RBMS3: variants seen among roughly 807,000 people sequenced by gnomAD.
RBMS3 encodes the protein RNA-binding motif, single-stranded-interacting protein 3.
RBMS3 carries 27 observed loss-of-function variants against 66.8 expected under a neutral mutation model. That is an observed-to-expected ratio of 0.40 (90% CI 0.30 to 0.56). The LOEUF (loss-of-function observed/expected upper bound fraction) is 0.56. RBMS3 is among the 20% of genes least tolerant of loss of function. The pLI, the probability that RBMS3 is intolerant of heterozygous loss-of-function variation, is 0.40. For synonymous variants in RBMS3, 188 were observed against 183.0 expected (o/e 1.03, Z -0.22); for missense variants, 513 against 549.5 (o/e 0.93, Z 0.66).
chr3:29,989,359 G>A (rs149095565), intron 13 of RBMS3, among the ~76,000 whole-genome samples: 33 of 152,268 alleles, frequency 2.2e-4, no homozygotes, highest in Non-Finnish European at 3.4e-4. Context: ...TCTGGTTCTA[G>A]CCATTACTGT....
intron 4 of RBMS3, among the ~76,000 whole-genome samples, chr3:29,589,842 G>A (rs1210823919): frequency 6.6e-6 from 1 of 151,948 alleles, no homozygotes; most frequent in Non-Finnish European, 1.5e-5. Context: ...AGTGACTCCA[G>A]CATTTTAAAA....
chr3:29,992,117 T>A (rs1054481741), intron 14 of RBMS3, among the ~76,000 whole-genome samples: 1 of 152,084 alleles, frequency 6.6e-6, no homozygotes, highest in African/African-American at 2.4e-5. Flanking sequence ...AGCAATAAAA[T>A]CCCTGATGAA....
chr3:29,813,296 T>A (rs527919985), intron 6 of RBMS3, among the ~76,000 whole-genome samples: 13 of 152,284 alleles, frequency 8.5e-5, no homozygotes, highest in African/African-American at 3.1e-4. Flanking sequence ...AACATTTTAT[T>A]CATATAAAAA....
At chr3:29,764,214 G>A (rs1032814879) in intron 6 of RBMS3, among the ~76,000 whole-genome samples, 9 of 151,988 alleles carry the variant, frequency 5.9e-5, no homozygotes, top group African/African-American at 1.4e-4. Context: ...TAATCAGTGA[G>A]TCAACATACA....
chr3:29,739,413 G>T (rs1306044018), intron 4 of RBMS3, among the ~76,000 whole-genome samples: 1 of 145,344 alleles, frequency 6.9e-6, no homozygotes, highest in Non-Finnish European at 1.5e-5. Context: ...TCGAGATCGC[G>T]CCACTGCACT....
intron 6 of RBMS3, among the ~76,000 whole-genome samples, chr3:29,854,728 T>C (rs989326240): frequency 2.0e-5 from 3 of 152,182 alleles, no homozygotes; most frequent in African/African-American, 7.2e-5. Context: ...TCTACAAGAG[T>C]GAAACAAATG....
intron 14 of RBMS3, among the ~76,000 whole-genome samples, chr3:29,997,591 C>T (rs1352543574): frequency 6.6e-6 from 1 of 151,074 alleles, no homozygotes. Context: ...GGCTTCATCC[C>T]TGGGAGGCAA....
intron 3 of RBMS3, among the ~76,000 whole-genome samples, chr3:29,492,918 A>G (rs975521479): frequency 6.6e-6 from 1 of 152,210 alleles, no homozygotes; most frequent in African/African-American, 2.4e-5. Context: ...TCCATTCTTC[A>G]TTGGTACCAT....
rs1011101657 is a variant in RBMS3 at position 29,944,269 on chromosome 3, A to G, written c.1098+15A>G. ...TGTTGTGTCAGGTAGGAAAATTCTAATTCTTTTAAGACTGGATTGGAGGGG... is the reference window on the plus strand; with the variant it reads ...TGTTGTGTCAGGTAGGAAAATTCTAGTTCTTTTAAGACTGGATTGGAGGGG... On this transcript the variant is annotated intron_variant, in intron 12 of 14. Transcript: ENST00000383767. The G allele has an allele frequency of 6.4e-7, 1 of 1,569,500 alleles. No homozygotes were observed. The highest frequency in any genetic ancestry group is 8.8e-7 in the Non-Finnish European group (1 of 1,140,472).
chr3:29,766,124 T>C (rs988950852), intron 6 of RBMS3: 1 of 151,994 alleles, frequency 6.6e-6, no homozygotes, highest in African/African-American at 2.4e-5. Flanking sequence ...TACTGAGCAA[T>C]TGGTGCCATA....
chr3:29,418,638 T>C (rs747741428), intron 1 of RBMS3, among the ~76,000 whole-genome samples: 2 of 152,138 alleles, frequency 1.3e-5, no homozygotes, highest in African/African-American at 2.4e-5. Flanking sequence ...TCTGTCTCTG[T>C]GATGTAGTGT....
chr3:29,393,181 C>T (rs1443560667), intron 1 of RBMS3, among the ~76,000 whole-genome samples: 1 of 152,102 alleles, frequency 6.6e-6, no homozygotes, highest in Non-Finnish European at 1.5e-5. Flanking sequence ...ACAGATATAG[C>T]CCATCTCTAT....
intron 1 of RBMS3, among the ~76,000 whole-genome samples, chr3:29,284,260 G>A (rs905782411): frequency 9.9e-5 from 15 of 152,140 alleles, no homozygotes; most frequent in Admixed American, 3.3e-4. Flanking sequence ...AGAGTCTACG[G>A]TAGGTAAAAA....
At chr3:29,382,835 A>G (rs1162091470) in intron 1 of RBMS3, among the ~76,000 whole-genome samples, 1 of 150,768 alleles carries the variant, frequency 6.6e-6, no homozygotes, top group Non-Finnish European at 1.5e-5. Flanking sequence ...TGGATTTGTT[A>G]TTTTTTCTCC....
chr3:29,453,581 G>A (rs555862710), intron 2 of RBMS3, among the ~76,000 whole-genome samples: 1 of 152,192 alleles, frequency 6.6e-6, no homozygotes, highest in Non-Finnish European at 1.5e-5. Context: ...CCAGCCTCAT[G>A]GTGGGCTTTG....
chr3:29,341,574 G>A (rs1458606554), intron 1 of RBMS3, among the ~76,000 whole-genome samples: 1 of 152,014 alleles, frequency 6.6e-6, no homozygotes, highest in African/African-American at 2.4e-5. Flanking sequence ...AGCTCAAGGA[G>A]GTAAAGTGAA....
intron 4 of RBMS3, among the ~76,000 whole-genome samples, chr3:29,610,039 A>G (rs1206066418): frequency 1.3e-5 from 2 of 152,118 alleles, no homozygotes; most frequent in African/African-American, 2.4e-5. Flanking sequence ...TTAATTTTAA[A>G]AATCAATTTT....
chr3:29,941,981 T>C (rs2061403589), intron 11 of RBMS3, among the ~76,000 whole-genome samples: 1 of 151,810 alleles, frequency 6.6e-6, no homozygotes, highest in Non-Finnish European at 1.5e-5. Flanking sequence ...GTCGAGATAC[T>C]TCAAAACATT....
At chr3:29,403,013 A>G (rs1332969434) in intron 1 of RBMS3, among the ~76,000 whole-genome samples, 1 of 152,052 alleles carries the variant, frequency 6.6e-6, no homozygotes. Flanking sequence ...ACTGAAAAAA[A>G]AAAGTATAAG....
Sources: allele counts gnomAD v4.1 joint callset (sites outside exome capture counted in the v4.1 genomes callset), GRCh38; gene constraint gnomAD v4.1.1; transcripts MANE v1.5; gene names NCBI Gene and HGNC (gene_info 2026-07-23, HGNC 2026-07-21).